MCPH1: variants seen among roughly 807,000 people sequenced by gnomAD.
MCPH1 encodes microcephalin.
A neutral mutation model predicts 84.5 loss-of-function variants in MCPH1; 104 were observed. The observed-to-expected ratio is 1.23, with a 90% CI of 1.05 to 1.45. The LOEUF (loss-of-function observed/expected upper bound fraction) is 1.45, where lower values mean the gene tolerates loss of function less well. Ranked by LOEUF, MCPH1 falls within the 40% of genes most tolerant of loss-of-function variation. MCPH1 has a pLI of 0.00. For synonymous variants in MCPH1, 514 were observed against 366.8 expected (o/e 1.40, Z -4.58); for missense variants, 1,498 against 1,005.7 (o/e 1.49, Z -6.62).
chr8:6,487,273 G>A (rs1172615267), intron 11 of MCPH1, among the ~76,000 whole-genome samples: 2 of 152,310 alleles, frequency 1.3e-5, no homozygotes, highest in East Asian at 3.9e-4. Context: ...CTATTTTCTT[G>A]AGATAATGTG....
intron 12 of MCPH1, among the ~76,000 whole-genome samples, chr8:6,551,524 G>A (rs1823650849): frequency 6.6e-6 from 1 of 152,186 alleles, no homozygotes; most frequent in Non-Finnish European, 1.5e-5. Flanking sequence ...ATCACCAGTT[G>A]TTGTTTGAGG....
At chr8:6,576,852 C>T (rs1043457019) in intron 12 of MCPH1, among the ~76,000 whole-genome samples, 2 of 151,828 alleles carry the variant, frequency 1.3e-5, no homozygotes, top group South Asian at 2.1e-4. Context: ...AGGCGTCAGC[C>T]ACAGTGCCTG....
chr8:6,557,110 G>A (rs1824748172), intron 12 of MCPH1, among the ~76,000 whole-genome samples: 1 of 152,150 alleles, frequency 6.6e-6, no homozygotes, highest in Non-Finnish European at 1.5e-5. Context: ...CCAAATTCAT[G>A]TTCATTCACA....
intron 12 of MCPH1, among the ~76,000 whole-genome samples, chr8:6,557,147 T>C (rs1824753798): frequency 6.6e-6 from 1 of 152,184 alleles, no homozygotes; most frequent in African/African-American, 2.4e-5. Flanking sequence ...TCTGCAGTCT[T>C]CCCAGCCCCA....
At position 6,642,831 on chromosome 8, in the gene MCPH1, T is replaced by C. The variant is rs1798020767; in HGVS notation, c.2453-163T>C. 3 of 700,120 alleles carry C rather than the reference T, an allele frequency of 4.3e-6. No homozygotes were observed. In the Admixed American group the frequency reaches 6.2e-5, roughly 14 times the overall value. The allele number at this position is 700,120 out of a possible 1,614,324, so 43.4% of individuals were successfully genotyped here. A position where few individuals can be genotyped will look rare whatever the true frequency, so the allele number is the denominator to read the frequency against. ...TGTATTGAATTTCGTTTCACGTTAA[T>C]TTAAAAAGGTATGTGTGCTCTATGG... On this transcript the variant is annotated intron_variant, in intron 13 of 13. Transcript: ENST00000344683.
chr8:6,478,136 G>A (rs938221642), intron 10 of MCPH1, among the ~76,000 whole-genome samples: 2 of 152,124 alleles, frequency 1.3e-5, no homozygotes, highest in African/African-American at 4.8e-5. Context: ...TTGAATTCCT[G>A]TTTAAAGGGG....
At chr8:6,626,416 C>G (rs1241839178) in intron 13 of MCPH1, 2 of 977,708 alleles carry the variant, frequency 2.0e-6, no homozygotes, top group African/African-American at 1.8e-5. Context: ...GGCCAAGATT[C>G]TTGATGAATC....
At chr8:6,536,706 G>A (rs1401462968) in intron 12 of MCPH1, among the ~76,000 whole-genome samples, 1 of 152,122 alleles carries the variant, frequency 6.6e-6, no homozygotes, top group Non-Finnish European at 1.5e-5. Flanking sequence ...ATTTAATGTA[G>A]CCTTTCCATA....
chr8:6,556,666 C>T (rs775776535), intron 12 of MCPH1, among the ~76,000 whole-genome samples: 11 of 151,742 alleles, frequency 7.2e-5, no homozygotes, highest in South Asian at 2.1e-4. Context: ...CAGGCTGGAG[C>T]GCAATGGCAC....
At chr8:6,603,864 C>A (rs1829553679) in intron 12 of MCPH1, among the ~76,000 whole-genome samples, 1 of 152,176 alleles carries the variant, frequency 6.6e-6, no homozygotes, top group Non-Finnish European at 1.5e-5. Flanking sequence ...TACTAAGGGA[C>A]CCGATTCCCA....
At chr8:6,584,491 T>C (rs891421436) in intron 12 of MCPH1, among the ~76,000 whole-genome samples, 1 of 152,198 alleles carries the variant, frequency 6.6e-6, no homozygotes, top group Non-Finnish European at 1.5e-5. Flanking sequence ...TCCCAATTCT[T>C]TTAGCTGCAT....
chr8:6,524,570 C>T (rs576676160), intron 12 of MCPH1, among the ~76,000 whole-genome samples: 10 of 152,266 alleles, frequency 6.6e-5, no homozygotes, highest in Admixed American at 3.9e-4. Context: ...TCTTACCTTC[C>T]GTTTAACAGA....
At position 6,643,099 on chromosome 8, in the gene MCPH1, T is replaced by A; in HGVS notation, c.*50T>A. 5 of 1,499,116 alleles carry A rather than the reference T, an allele frequency of 3.3e-6. No individual in the cohort carries two copies. The highest frequency in any genetic ancestry group is 4.6e-6 in the Non-Finnish European group (5 of 1,076,258). The allele number at this position is 1,499,116 out of a possible 1,614,324, so 92.9% of individuals were successfully genotyped here. A position where few individuals can be genotyped will look rare whatever the true frequency, so the allele number is the denominator to read the frequency against. On this transcript the variant is annotated 3_prime_UTR_variant, in exon 14 of 14. Coordinates refer to ENST00000344683, the MANE Select transcript of MCPH1 (RefSeq NM_024596.5). ...ACTGCACACAGCTCGCAAAACTGTCTTTGGATGTTCAAATGAGAAACAAAA... is the reference window on the plus strand; with the variant it reads ...ACTGCACACAGCTCGCAAAACTGTCATTGGATGTTCAAATGAGAAACAAAA...
chr8:6,620,964 A>G, intron 12 of MCPH1: 1 of 193,756 alleles, frequency 5.2e-6, no homozygotes, highest in South Asian at 9.5e-5. Context: ...CGTCCAGACC[A>G]TGGTATTGGA....
In MCPH1 at chr8:6,445,456, C is replaced by A. The variant is rs1443785836; in HGVS notation, c.1734C>A (p.Ala578=). 6.2e-7 allele frequency: 1 copy of A among 1,614,112 alleles called. No individual in the cohort carries two copies. The change falls in exon 8 of 14, where the codon GCC becomes GCA. Residue 578 remains alanine (A), a synonymous_variant. Transcript: ENST00000344683. ...SKISNSSEGE[A]QSEHEPCFIV... is the part of the protein sequence containing the mutation. ...TATCAAACTCCTCTGAAGGCGAAGC[C>A]CAGAGTGAACATGAGCCATGTTTTA...
chr8:6,486,322 T>C (rs920088360), intron 11 of MCPH1, among the ~76,000 whole-genome samples: 3 of 151,210 alleles, frequency 2.0e-5, no homozygotes, highest in African/African-American at 4.9e-5. Context: ...CGCTCTCTCG[T>C]CCTCCTCCTT....
At chr8:6,623,233 C>T (rs1433277235) in intron 13 of MCPH1, among the ~76,000 whole-genome samples, 1 of 152,024 alleles carries the variant, frequency 6.6e-6, no homozygotes, top group Non-Finnish European at 1.5e-5. Context: ...AGGGTTAAGA[C>T]ATCGACATAC....
intron 3 of MCPH1, among the ~76,000 whole-genome samples, chr8:6,421,047 G>T (rs1179350764): frequency 6.6e-6 from 1 of 152,218 alleles, no homozygotes; most frequent in African/African-American, 2.4e-5. Flanking sequence ...CTTTTCCGCA[G>T]TTCTTCCCTT....
chr8:6,574,993 A>G (rs981476305), intron 12 of MCPH1, among the ~76,000 whole-genome samples: 31 of 152,240 alleles, frequency 2.0e-4, no homozygotes, highest in African/African-American at 6.8e-4. Context: ...GTCAAGAATT[A>G]CTGGTTCTGC....
Sources: allele counts gnomAD v4.1 joint callset (sites outside exome capture counted in the v4.1 genomes callset), GRCh38; gene constraint gnomAD v4.1.1; transcripts MANE v1.5; gene names NCBI Gene and HGNC (gene_info 2026-07-23, HGNC 2026-07-21).